Variants in DYSF observed in about 807,000 individuals in gnomAD.
DYSF encodes dysferlin, also known as dystrophy-associated fer-1-like 1.
DYSF carries 212 observed loss-of-function variants against 274.9 expected under a neutral mutation model. The observed-to-expected ratio is 0.77, with a 90% CI of 0.69 to 0.86. The LOEUF is 0.86. DYSF is among the 40% of genes least tolerant of loss of function. The pLI, the probability that DYSF is intolerant of heterozygous loss-of-function variation, is 0.00. For synonymous variants in DYSF, 1,091 were observed against 1,078.7 expected, an observed-to-expected ratio of 1.01 and a Z score of -0.22; for missense variants, 2,666 against 2,783.2, an observed-to-expected ratio of 0.96 and a Z score of 0.95.
intron 21 of DYSF, among the ~76,000 whole-genome samples, chr2:71,555,740 G>A (rs1347698540): frequency 1.3e-5 from 2 of 152,194 alleles, no homozygotes; most frequent in African/African-American, 4.8e-5. Flanking sequence ...CTACATGTGA[G>A]GCTGGAGTTA....
rs370872013 is a variant in DYSF, at chr2:71,551,651, G to A, written c.1737G>A (p.Glu579=). The change falls in exon 19 of 56, where the codon GAG becomes GAA. Residue 579 remains glutamate, a synonymous_variant. Coordinates refer to ENST00000410020, the MANE Select transcript of DYSF (RefSeq NM_001130987.2). ...GTGGCCGGCTTCTGCTCTCCCTGGA[G>A]ACCAAGCTGGTGGAGCACAGTGAAC... ...AYRGRLLLSL[E]TKLVEHSEQK... is the part of the protein sequence containing the mutation. The A allele has an allele frequency of 5.8e-5, 93 of 1,611,010 alleles. No homozygotes were observed. The Middle Eastern group carries it at 1.7e-3, about 29-fold the overall frequency.
At chr2:71,640,351 A>G (rs549812564) in intron 41 of DYSF, among the ~76,000 whole-genome samples, 95 of 152,330 alleles carry the variant, frequency 6.2e-4, no homozygotes, top group South Asian at 5.2e-3. Flanking sequence ...GAAAAATTCT[A>G]ACCTCTTAAA....
Position 71,466,935 on chromosome 2 carries a change from T to C in DYSF, c.91+2T>C. The C allele has an allele frequency of 6.5e-7, 1 of 1,549,622 alleles. No individual in the cohort carries two copies. Among genetic ancestry groups the C allele is most frequent in the Non-Finnish European group, 8.7e-7 (1 of 1,145,666 alleles). Reference sequence around the variant, plus strand: ...CTGTCGCAAGCCTGACTTTCCGAGGTGAGAGCCCCGTGGCTGCCGCGCCCA... The same window carrying C: ...CTGTCGCAAGCCTGACTTTCCGAGGCGAGAGCCCCGTGGCTGCCGCGCCCA... On this transcript the variant is annotated splice_donor_variant, in intron 1 of 55. Transcript: ENST00000410020. LOFTEE classifies it high-confidence loss of function.
intron 20 of DYSF, among the ~76,000 whole-genome samples, chr2:71,553,421 A>T (rs1157592627): frequency 6.6e-6 from 1 of 152,164 alleles, no homozygotes; most frequent in Non-Finnish European, 1.5e-5. Context: ...ACCCTGACCC[A>T]TCCTGATCAT....
At chr2:71,589,741 T>A in intron 31 of DYSF, 55 bp downstream of exon 31, 1 of 1,485,542 alleles carries the variant, frequency 6.7e-7, no homozygotes, top group Non-Finnish European at 9.4e-7. Flanking sequence ...ACCTTATGCT[T>A]CTGTTTGGAT....
chr2:71,533,144 T>C (rs10183934), intron 14 of DYSF, among the ~76,000 whole-genome samples: 101,334 of 151,982 alleles, frequency 0.67, 34,570 homozygotes, highest in Middle Eastern at 0.77. Context: ...CTTGGTCTCC[T>C]GAGTAGCTGG....
At chr2:71,596,372 C>T (rs1273740880) in intron 32 of DYSF, among the ~76,000 whole-genome samples, 1 of 152,120 alleles carries the variant, frequency 6.6e-6, no homozygotes, top group Admixed American at 6.5e-5. Flanking sequence ...GGCCCGCATG[C>T]TTATAAAAAT....
intron 14 of DYSF, among the ~76,000 whole-genome samples, chr2:71,529,067 C>T (rs904000145): frequency 2.0e-5 from 3 of 152,220 alleles, no homozygotes; most frequent in African/African-American, 7.2e-5. Flanking sequence ...CTCTCTGTGC[C>T]TCTAAACAGT....
At chr2:71,462,224 C>T (rs1010350999), upstream of DYSF, among the ~76,000 whole-genome samples, 7 of 152,208 alleles carry the variant, frequency 4.6e-5, no homozygotes, top group African/African-American at 1.7e-4. Flanking sequence ...AGCCACTGCG[C>T]ACAGCCAGGC....
chr2:71,497,300 C>T (rs4852795), intron 3 of DYSF, among the ~76,000 whole-genome samples: 135,380 of 152,230 alleles, frequency 0.89, 60,335 homozygotes, highest in East Asian at 1. Flanking sequence ...GGTGGTGATA[C>T]GGTTTGGCTG....
chr2:71,686,761 A>T lies in DYSF; in HGVS notation c.*269A>T. On this transcript the variant is annotated 3_prime_UTR_variant, in exon 56 of 56. Coordinates refer to ENST00000410020, the MANE Select transcript of DYSF (RefSeq NM_001130987.2). Reference sequence around the variant, plus strand: ...ATTTCAGTATAAAACAGTTGGAACCACACAGCAGTGTCAGTGTGTGTATCT... The same window carrying T: ...ATTTCAGTATAAAACAGTTGGAACCTCACAGCAGTGTCAGTGTGTGTATCT... 2.4e-6 allele frequency: 1 copy of T among 411,108 alleles called. No individual in the cohort carries two copies. The allele number at this position is 411,108 out of a possible 1,614,324, so 25.5% of individuals were successfully genotyped here.
rs1184177382 is a variant in DYSF, at chr2:71,601,216, T to C, written c.3898-283T>C. ...AGCCTCATGGCCCTGGGCCAGCCAC[T>C]CCCCTGCTGTAAAATGAGAGGTTTG... is the stretch of plus-strand genomic sequence containing the variant. On this transcript the variant is annotated intron_variant, in intron 34 of 55. Transcript: ENST00000410020. The C allele has an allele frequency of 5.0e-6, 3 of 597,986 alleles. No homozygotes were observed. In the East Asian group the frequency reaches 8.4e-5, roughly 17 times the overall value. 37.0% of individuals were successfully genotyped at this position (597,986 alleles called of 1,614,324 possible). A position where few individuals can be genotyped will look rare whatever the true frequency, so the allele number is the denominator to read the frequency against.
At chr2:71,537,536 G>A (rs1011233092) in intron 16 of DYSF, among the ~76,000 whole-genome samples, 1 of 152,056 alleles carries the variant, frequency 6.6e-6, no homozygotes, top group Non-Finnish European at 1.5e-5. Flanking sequence ...GTGAGCCACC[G>A]CACCCTGCTT....
chr2:71,618,583 T>TTGTGTGTGTGTGGTAGAGG (rs2094000130), intron 40 of DYSF, among the ~76,000 whole-genome samples: 4 of 46,742 alleles, frequency 8.6e-5, no homozygotes, highest in Admixed American at 2.4e-4. Context: ...TGGGGTAGAG[T>TTGTGTGTGTGTGGTAGAGG]TGTGTGTGTG....
In DYSF at chr2:71,513,352, T is replaced by C. The variant is rs1179374467; in HGVS notation, c.553+20T>C. 3 of 1,547,682 alleles carry C rather than the reference T, an allele frequency of 1.9e-6. No homozygotes were observed. Among genetic ancestry groups the C allele is most frequent in the Non-Finnish European group, 2.6e-6 (3 of 1,143,928 alleles). On this transcript the variant is annotated intron_variant, in intron 6 of 55. Coordinates refer to ENST00000410020, the MANE Select transcript of DYSF (RefSeq NM_001130987.2). ...CCACGGGTGAGACACGGGCCAGGACTGTCCTGATCCCAGACCCTCCCTGTA... is the reference window on the plus strand; with the variant it reads ...CCACGGGTGAGACACGGGCCAGGACCGTCCTGATCCCAGACCCTCCCTGTA...
At position 71,588,535 on chromosome 2, in the gene DYSF, AG is replaced by A. The variant is rs1486950564; in HGVS notation, c.3403-1055del. Among the ~76,000 whole-genome samples the A allele has an allele frequency of 3.3e-5, 5 of 152,226 alleles. No homozygotes were observed. In the East Asian group the frequency reaches 9.7e-4, roughly 29 times the overall value. On this transcript the variant is annotated intron_variant, in intron 30 of 55. Coordinates refer to ENST00000410020, the MANE Select transcript of DYSF (RefSeq NM_001130987.2). ...GGGAAATGGTTCCAGGGTGAAGGTC[AG>A]GGTGGCCCAGCAGAAGAATCCTGGG...
intron 3 of DYSF, among the ~76,000 whole-genome samples, chr2:71,485,309 A>G (rs2083276006): frequency 6.6e-6 from 1 of 152,200 alleles, no homozygotes; most frequent in Non-Finnish European, 1.5e-5. Context: ...TAATCCCAGC[A>G]CTTTGGGAGG....
chr2:71,469,098 C>T (rs868672338), intron 1 of DYSF, among the ~76,000 whole-genome samples: 3 of 152,316 alleles, frequency 2.0e-5, no homozygotes, highest in South Asian at 4.1e-4. Flanking sequence ...AGAATCAGCA[C>T]TTAACAAATA....
At chr2:71,621,474 G>C (rs530713621) in intron 41 of DYSF, among the ~76,000 whole-genome samples, 1 of 152,180 alleles carries the variant, frequency 6.6e-6, no homozygotes, top group Admixed American at 6.5e-5. Flanking sequence ...GATAGGCACT[G>C]TTAGGGTTTT....
Sources: gnomAD v4.1 joint callset for allele counts (sites outside exome capture counted in the v4.1 genomes callset) on GRCh38, gnomAD v4.1.1 for gene constraint, MANE v1.5 for transcripts, NCBI Gene and HGNC (gene_info 2026-07-23, HGNC 2026-07-21) for gene names.